The following FAM20C variants were observed in gnomAD, a reference collection of about 807,000 sequenced individuals.
The protein encoded by FAM20C is FAM20C golgi associated secretory pathway kinase, also known as extracellular serine/threonine protein kinase FAM20C.
Under a neutral mutation model 51.5 loss-of-function variants are expected in FAM20C, and 40 were observed. That is an observed-to-expected ratio of 0.78 (90% CI 0.60 to 1.01). The LOEUF (loss-of-function observed/expected upper bound fraction) is 1.01. Ranked by LOEUF, FAM20C falls within the 50% of genes least tolerant of loss-of-function variation. The probability of loss-of-function intolerance (pLI) is 0.00; values close to 1 mark genes in which losing one functional copy is unlikely to be tolerated. For synonymous variants in FAM20C, 406 were observed against 380.6 expected, an observed-to-expected ratio of 1.07 and a Z score of -0.78; for missense variants, 861 against 844.7, an observed-to-expected ratio of 1.02 and a Z score of -0.24.
At chr7:244,444 T>A (rs1788068857) in intron 3 of FAM20C, among the ~76,000 whole-genome samples, 1 of 152,220 alleles carries the variant, frequency 6.6e-6, no homozygotes. Context: ...ACCTTTAGTG[T>A]TTTAGAAAAA....
chr7:243,748 C>T (rs976260951), intron 3 of FAM20C, among the ~76,000 whole-genome samples: 9 of 150,224 alleles, frequency 6.0e-5, no homozygotes, highest in Non-Finnish European at 1.2e-4. Flanking sequence ...CTGTGCCACC[C>T]GGGAGACCTG....
At chr7:253,897 C>G (rs900036318) in intron 5 of FAM20C, among the ~76,000 whole-genome samples, 5 of 152,244 alleles carry the variant, frequency 3.3e-5, no homozygotes, top group Non-Finnish European at 7.3e-5. Flanking sequence ...AATGAGCGCT[C>G]AGATGAAGAT....
chr7:257,116 G>A (rs546849442), intron 8 of FAM20C, 30 bp downstream of exon 8: 5 of 1,533,948 alleles, frequency 3.3e-6, no homozygotes, highest in African/African-American at 2.7e-5. Flanking sequence ...TGCACACCCA[G>A]GGAAGGGCCG....
chr7:259,907 T>A lies in FAM20C; in HGVS notation c.1682T>A (p.Val561Glu), dbSNP rs921080810. 1.3e-6 allele frequency: 2 copies of A among 1,535,202 alleles called. No individual in the cohort carries two copies. The highest frequency in any genetic ancestry group is 1.7e-6 in the Non-Finnish European group (2 of 1,146,148). Reference sequence around the variant, plus strand: ...GTGCTAAAGGCCGTCCGGGACTGCGTGGAGAGGAACGGGCTCCACAGCGTG... The same window carrying A: ...GTGCTAAAGGCCGTCCGGGACTGCGAGGAGAGGAACGGGCTCCACAGCGTG... ...RVVLKAVRDCVERNGLHSVVD... is the reference protein window; with the variant it reads ...RVVLKAVRDCEERNGLHSVVD... The change falls in exon 10 of 10, where the codon GTG becomes GAG. Residue 561 changes from valine (V) to glutamate (E), a missense_variant. By Grantham distance (121) the Val-to-Glu change is moderately radical (BLOSUM62 -2). Coordinates refer to ENST00000313766, the MANE Select transcript of FAM20C (RefSeq NM_020223.4).
chr7:196,491 G>C (rs1248952897), intron 2 of FAM20C, among the ~76,000 whole-genome samples: 1 of 152,206 alleles, frequency 6.6e-6, no homozygotes, highest in Admixed American at 6.5e-5. Flanking sequence ...AGGCCCTTTA[G>C]TGGGAGCAGC....
At chr7:241,465 C>T (rs949874482) in intron 3 of FAM20C, among the ~76,000 whole-genome samples, 4 of 152,168 alleles carry the variant, frequency 2.6e-5, no homozygotes, top group African/African-American at 9.7e-5. Flanking sequence ...CAGCCAGCCC[C>T]GCTGCAAGGC....
chr7:233,793 C>T (rs1480351327), intron 3 of FAM20C, among the ~76,000 whole-genome samples: 3 of 152,174 alleles, frequency 2.0e-5, no homozygotes, highest in Non-Finnish European at 2.9e-5. Flanking sequence ...TTTGGGGGAC[C>T]GTTATTCTGC....
intron 3 of FAM20C, among the ~76,000 whole-genome samples, chr7:235,652 G>T (rs2115127147): frequency 6.6e-6 from 1 of 152,356 alleles, no homozygotes; most frequent in Admixed American, 6.5e-5. Flanking sequence ...CTCCCGCTCG[G>T]GTGGGGCCCG....
At chr7:229,022 A>G (rs1010382933) in intron 3 of FAM20C, 11 of 279,600 alleles carry the variant, frequency 3.9e-5, no homozygotes, top group South Asian at 2.0e-4. Context: ...TGCCCCACCC[A>G]CGCACCCCAC....
At chr7:198,389 T>C (rs1020378108) in intron 2 of FAM20C, among the ~76,000 whole-genome samples, 2 of 151,884 alleles carry the variant, frequency 1.3e-5, no homozygotes, top group African/African-American at 2.4e-5. Flanking sequence ...CCTGGTATAA[T>C]CTGGACTCTG....
chr7:206,006 G>A (rs1786361852), intron 2 of FAM20C, among the ~76,000 whole-genome samples: 1 of 151,850 alleles, frequency 6.6e-6, no homozygotes, highest in African/African-American at 2.4e-5. Context: ...GCCATCTCCT[G>A]CAGGGCTGGG....
chr7:221,979 G>A (rs112161855), intron 3 of FAM20C, among the ~76,000 whole-genome samples: 18 of 31,136 alleles, frequency 5.8e-4, no homozygotes, highest in Non-Finnish European at 1.6e-3. Flanking sequence ...TCTGGGCACA[G>A]GGTGGAGCCT....
chr7:258,734 C>G, intron 9 of FAM20C, 29 bp downstream of exon 9: 2 of 1,526,392 alleles, frequency 1.3e-6, no homozygotes, highest in African/African-American at 2.7e-5. Context: ...CCGGCTCCAG[C>G]TCCACCCTCC....
chr7:244,975 G>A (rs987830748), intron 3 of FAM20C, among the ~76,000 whole-genome samples: 1 of 152,252 alleles, frequency 6.6e-6, no homozygotes, highest in Non-Finnish European at 1.5e-5. Flanking sequence ...GGAGCCACGG[G>A]CTGGTGTGTA....
At chr7:253,345 G>C (rs1174778539) in intron 5 of FAM20C, among the ~76,000 whole-genome samples, 1 of 152,192 alleles carries the variant, frequency 6.6e-6, no homozygotes, top group African/African-American at 2.4e-5. Context: ...GAGCCGCAGG[G>C]TGAAGGAGCC....
chr7:235,809 G>T (rs1182964944), intron 3 of FAM20C, among the ~76,000 whole-genome samples: 1 of 152,234 alleles, frequency 6.6e-6, no homozygotes, highest in Admixed American at 6.5e-5. Context: ...GGCTGACCAT[G>T]CTGGTGAGGA....
chr7:257,710 A>G (rs940269050), intron 8 of FAM20C, among the ~76,000 whole-genome samples: 26 of 139,956 alleles, frequency 1.9e-4, no homozygotes, highest in Admixed American at 2.1e-4. Flanking sequence ...GACCCCACAT[A>G]CAGGGCTGGG....
At chr7:258,728 C>T in intron 9 of FAM20C, 23 bp downstream of exon 9, 4 of 1,530,036 alleles carry the variant, frequency 2.6e-6, no homozygotes, top group Non-Finnish European at 3.5e-6. Context: ...CCGGAGCCGG[C>T]TCCAGCTCCA....
Position 246,504 on chromosome 7 carries a change from A to T in FAM20C, c.953A>T (p.Asp318Val). Residue 318 changes from aspartate to valine, a missense_variant, in exon 4 of 10, where the codon GAC (aspartate) becomes GTC (valine). Asp to Val is a radical substitution (Grantham distance 152, BLOSUM62 -3). Transcript: ENST00000313766. The stretch of plus-strand genomic sequence containing the variant: ...GCGGAGATTGCTGCCTTCCACCTGG[A>T]CAGGTGAGCCCTTCCTTCCTCCCTC... ...HNAEIAAFHLDRILDFRRVPP... is the reference protein window; with the variant it reads ...HNAEIAAFHLVRILDFRRVPP... 1 of 1,536,586 alleles carries T rather than the reference A, an allele frequency of 6.5e-7. No homozygotes were observed. The highest frequency in any genetic ancestry group is 8.7e-7 in the Non-Finnish European group (1 of 1,146,546).
Sources: allele counts gnomAD v4.1 joint callset (sites outside exome capture counted in the v4.1 genomes callset), GRCh38; gene constraint gnomAD v4.1.1; transcripts MANE v1.5; gene names NCBI Gene and HGNC (gene_info 2026-07-23, HGNC 2026-07-21).